The following TP63 variants were observed in gnomAD, a reference collection of about 807,000 sequenced individuals.
The protein encoded by TP63 is tumor protein p63, also known as tumor protein 63.
TP63 carries 17 observed loss-of-function variants against 82.8 expected under a neutral mutation model. The observed-to-expected ratio is 0.21, with a 90% confidence interval of 0.14 to 0.31. The LOEUF (loss-of-function observed/expected upper bound fraction) is 0.31. Among genes scored for constraint, TP63 ranks in the 10% least tolerant of loss-of-function variants. The pLI is 1.00. For missense variants in TP63, 648 were observed against 895.3 expected (o/e 0.72, Z 3.52); for synonymous variants, 330 against 321.7 (o/e 1.03, Z -0.28).
chr3:189,781,637 G>A (rs921779362), intron 3 of TP63, among the ~76,000 whole-genome samples: 1 of 151,690 alleles, frequency 6.6e-6, no homozygotes, highest in African/African-American at 2.4e-5. Flanking sequence ...GAAGATTTAC[G>A]TAAGAAAGCT....
intron 1 of TP63, among the ~76,000 whole-genome samples, chr3:189,642,047 T>C (rs55862124): frequency 0.45 from 67,757 of 152,004 alleles, 15,677 homozygotes; most frequent in East Asian, 0.51. Flanking sequence ...GCAAGAGGGC[T>C]GGGTAGTAAA....
intron 3 of TP63, among the ~76,000 whole-genome samples, chr3:189,783,840 A>G (rs1411628507): frequency 6.6e-6 from 1 of 151,964 alleles, no homozygotes; most frequent in African/African-American, 2.4e-5. Flanking sequence ...GCCTCATTCA[A>G]ATGTAATTTG....
At chr3:189,769,711 T>C (rs900703028) in intron 3 of TP63, among the ~76,000 whole-genome samples, 2 of 152,212 alleles carry the variant, frequency 1.3e-5, no homozygotes, top group Non-Finnish European at 2.9e-5. Context: ...CATTTTAAAA[T>C]GTTTCTAAGT....
intron 3 of TP63, chr3:189,789,650 A>G: frequency 7.1e-7 from 1 of 1,417,112 alleles, no homozygotes; most frequent in South Asian, 1.7e-5. Context: ...GGAAACCTTA[A>G]ATTATGTACA....
intron 1 of TP63, among the ~76,000 whole-genome samples, chr3:189,679,066 T>C (rs915802709): frequency 6.6e-6 from 1 of 152,090 alleles, no homozygotes; most frequent in Non-Finnish European, 1.5e-5. Flanking sequence ...ATTCCGTATC[T>C]GAGCTATTGT....
rs2108637952 is a variant in TP63 at position 189,808,409 on chromosome 3, C to T, written c.462C>T (p.Ser154=). 1 of 1,614,222 alleles carries T rather than the reference C, an allele frequency of 6.2e-7. No homozygotes were observed. The part of the protein sequence containing the change: ...TAPSPYAQPS[S]TFDALSPSPA... The stretch of plus-strand genomic sequence containing the variant: ...CCTCGCCCTACGCACAGCCCAGCTC[C>T]ACCTTCGATGCTCTCTCTCCATCAC... Residue 154 remains serine, a synonymous_variant, in exon 4 of 14, where the codon TCC becomes TCT. Transcript: ENST00000264731.
intron 3 of TP63, among the ~76,000 whole-genome samples, chr3:189,744,052 C>T (rs1302719533): frequency 6.6e-6 from 1 of 152,176 alleles, no homozygotes; most frequent in Non-Finnish European, 1.5e-5. Flanking sequence ...CAGCCTCCAC[C>T]AGACTGCATC....
intron 4 of TP63, among the ~76,000 whole-genome samples, chr3:189,861,009 C>G (rs1363643480): frequency 1.3e-5 from 2 of 152,204 alleles, no homozygotes; most frequent in Non-Finnish European, 2.9e-5. Flanking sequence ...CTACCTTCCT[C>G]ATTTTTGGAG....
chr3:189,605,989 G>A, the TP63 span, among the ~76,000 whole-genome samples: 2 of 152,144 alleles, frequency 1.3e-5, no homozygotes, highest in African/African-American at 4.8e-5. Flanking sequence ...CCATAACACT[G>A]TGGTTCCAAA....
At chr3:189,850,877 AATAG>A (rs1715542058) in intron 4 of TP63, among the ~76,000 whole-genome samples, 1 of 152,248 alleles carries the variant, frequency 6.6e-6, no homozygotes, top group African/African-American at 2.4e-5. Flanking sequence ...AATGATTATT[AATAG>A]ATAAATATGA....
chr3:189,817,896 C>T (rs1207031179), intron 4 of TP63, among the ~76,000 whole-genome samples: 2 of 151,426 alleles, frequency 1.3e-5, no homozygotes, highest in Non-Finnish European at 2.9e-5. Flanking sequence ...TTTACTGGGT[C>T]ATGAGAAGAA....
At chr3:189,763,160 A>G (rs979126802) in intron 3 of TP63, among the ~76,000 whole-genome samples, 12 of 152,152 alleles carry the variant, frequency 7.9e-5, no homozygotes, top group African/African-American at 2.9e-4. Flanking sequence ...TGTATTCCCA[A>G]CTACTAAGGA....
chr3:189,666,384 C>T (rs1403075627), intron 1 of TP63, among the ~76,000 whole-genome samples: 1 of 151,952 alleles, frequency 6.6e-6, no homozygotes, highest in African/African-American at 2.4e-5. Context: ...GTTATATCAA[C>T]TAATACAAAA....
At chr3:189,624,915 A>G in the TP63 span, among the ~76,000 whole-genome samples, 2 of 152,208 alleles carry the variant, frequency 1.3e-5, no homozygotes, top group African/African-American at 4.8e-5. Flanking sequence ...TTAGCTATAC[A>G]TAAATGTAAC....
At chr3:189,833,490 C>T (rs1475483814) in intron 4 of TP63, among the ~76,000 whole-genome samples, 1 of 152,154 alleles carries the variant, frequency 6.6e-6, no homozygotes, top group Non-Finnish European at 1.5e-5. Context: ...CCCCTGTGAC[C>T]TGGGGACTTA....
the TP63 span, among the ~76,000 whole-genome samples, chr3:189,603,114 A>G: frequency 6.6e-6 from 1 of 152,194 alleles, no homozygotes; most frequent in African/African-American, 2.4e-5. Flanking sequence ...TTAGGATTAT[A>G]AGAAGGTTGA....
At chr3:189,624,574 C>A in the TP63 span, among the ~76,000 whole-genome samples, 2 of 152,148 alleles carry the variant, frequency 1.3e-5, no homozygotes, top group East Asian at 3.8e-4. Context: ...CTGTTTGCAG[C>A]ACTACCCCAT....
At chr3:189,661,649 G>A (rs925067284) in intron 1 of TP63, among the ~76,000 whole-genome samples, 6 of 152,004 alleles carry the variant, frequency 3.9e-5, no homozygotes, top group African/African-American at 1.4e-4. Flanking sequence ...GATAGAATTG[G>A]TACCTTGCCC....
intron 1 of TP63, among the ~76,000 whole-genome samples, chr3:189,661,970 A>T (rs1336969301): frequency 4.0e-5 from 6 of 151,668 alleles, no homozygotes; most frequent in African/African-American, 1.5e-4. Context: ...TTCTTTGTTA[A>T]TCTAGCTAGA....
Sources: gnomAD v4.1 joint callset for allele counts (sites outside exome capture counted in the v4.1 genomes callset) on GRCh38, gnomAD v4.1.1 for gene constraint, MANE v1.5 for transcripts, NCBI Gene and HGNC (gene_info 2026-07-23, HGNC 2026-07-21) for gene names.